Variants in PCDH15 observed in about 807,000 individuals in gnomAD.
PCDH15 encodes protocadherin related 15.
A neutral mutation model predicts 178.5 loss-of-function variants in PCDH15; 129 were observed. The ratio of observed to expected loss-of-function variants is 0.72; its 90% CI spans 0.63 to 0.84. PCDH15 has a LOEUF of 0.84. PCDH15 is among the 40% of genes least tolerant of loss of function. The pLI is 0.00. For missense variants in PCDH15, 2,230 were observed against 2,099.9 expected, an observed-to-expected ratio of 1.06 and a Z score of -1.21; for synonymous variants, 800 against 732.0, an observed-to-expected ratio of 1.09 and a Z score of -1.50.
chr10:54,462,835 G>A (rs1359564789), intron 3 of PCDH15, among the ~76,000 whole-genome samples: 1 of 151,112 alleles, frequency 6.6e-6, no homozygotes, highest in Non-Finnish European at 1.5e-5. Context: ...TGGACTATTT[G>A]TTAATCTTGA....
intron 2 of PCDH15, among the ~76,000 whole-genome samples, chr10:54,546,882 A>T (rs545192922): frequency 6.6e-6 from 1 of 152,170 alleles, no homozygotes; most frequent in Non-Finnish European, 1.5e-5. Flanking sequence ...TATGGCACTG[A>T]TGGTGATATG....
chr10:54,808,575 G>A, intron 3 of PCDH15, among the ~76,000 whole-genome samples: 1 of 152,072 alleles, frequency 6.6e-6, no homozygotes, highest in East Asian at 1.9e-4. Flanking sequence ...ATCAAAATCT[G>A]GATCCTAAAG....
At position 55,326,151 on chromosome 10, in the gene PCDH15, C is replaced by A. The variant is rs116504353; in HGVS notation, c.-155-159500G>T. On this transcript the variant is annotated intron_variant, in intron 2 of 5. Transcript: ENST00000613346. ...TTGCTGGTGGGAATGTAAATTCATT[C>A]AGCCTTTACAGAAATCAGTTTGACA... is the stretch of plus-strand genomic sequence containing the variant. Among the ~76,000 whole-genome samples the A allele has an allele frequency of 5.6e-3, 849 of 152,212 alleles. 10 individuals are homozygous for A. Among genetic ancestry groups the A allele is most frequent in the African/African-American group, 0.02 (810 of 41,530 alleles).
chr10:53,846,202 C>T (rs572192760), intron 28 of PCDH15, among the ~76,000 whole-genome samples: 1 of 151,876 alleles, frequency 6.6e-6, no homozygotes, highest in Non-Finnish European at 1.5e-5. Context: ...AGAGAACTGG[C>T]TGTGATTGGT....
chr10:54,188,542 C>G (rs2048681027), intron 11 of PCDH15, among the ~76,000 whole-genome samples: 1 of 151,418 alleles, frequency 6.6e-6, no homozygotes, highest in Admixed American at 6.6e-5. Context: ...CAGTATATAC[C>G]AAAAGTATGA....
At chr10:54,634,637 G>A (rs2093798082) in intron 2 of PCDH15, among the ~76,000 whole-genome samples, 2 of 151,968 alleles carry the variant, frequency 1.3e-5, no homozygotes, top group South Asian at 4.1e-4. Flanking sequence ...AAGGAAAAGA[G>A]ACTGAGAAAA....
In PCDH15 at chr10:55,486,219, C is replaced by T. The variant is rs561369248; in HGVS notation, c.-156+141406G>A. On this transcript the variant is annotated intron_variant, in intron 2 of 5. Transcript: ENST00000613346. ...TCAAATCACCAAACGTGAGGGTGAT[C>T]CTGGGGATACCTTCCATAATAGTTT... Among the ~76,000 whole-genome samples the T allele has an allele frequency of 7.9e-5, 12 of 151,614 alleles. No individual in the cohort carries two copies. The South Asian group carries it at 2.1e-3, about 26-fold the overall frequency.
At chr10:53,832,932 T>C (rs1189766113) in intron 29 of PCDH15, among the ~76,000 whole-genome samples, 1 of 151,994 alleles carries the variant, frequency 6.6e-6, no homozygotes, top group South Asian at 2.1e-4. Context: ...AGAATGCTTT[T>C]TTGCTTTTTT....
Position 54,079,383 on chromosome 10 carries a change from C to T in PCDH15, c.2039G>A (p.Ser680Asn), listed in dbSNP as rs762818138. Residue 680 changes from serine (S) to asparagine (N), a missense_variant, in exon 17 of 38, where the codon AGC becomes AAC. Coordinates refer to ENST00000644397, the MANE Select transcript of PCDH15 (RefSeq NM_001384140.1). ...LTLGKALDRE[S>N]TDRYILIITA... ...GATGATCAGAATGTAGCGATCAGTG[C>T]TTTCCCTGTCCAGTGCTTTCCCTAA... The T allele has an allele frequency of 6.2e-7, 1 of 1,614,116 alleles. No homozygotes were observed. The highest frequency in any genetic ancestry group is 8.5e-7 in the Non-Finnish European group (1 of 1,179,970).
chr10:55,100,077 A>G (rs900131487), intron 2 of PCDH15, among the ~76,000 whole-genome samples: 1 of 152,138 alleles, frequency 6.6e-6, no homozygotes, highest in African/African-American at 2.4e-5. Context: ...GTGAATACTT[A>G]CCAAGAGCAT....
At chr10:54,344,504 A>G (rs1322433729) in intron 6 of PCDH15, among the ~76,000 whole-genome samples, 1 of 152,124 alleles carries the variant, frequency 6.6e-6, no homozygotes, top group Non-Finnish European at 1.5e-5. Flanking sequence ...AACATTGAAT[A>G]TTTTTATGCA....
intron 17 of PCDH15, among the ~76,000 whole-genome samples, chr10:54,075,920 A>C (rs1351622010): frequency 6.6e-6 from 1 of 152,074 alleles, no homozygotes; most frequent in Admixed American, 6.5e-5. Flanking sequence ...CTTTTTGGCT[A>C]TCTGGGGTCC....
chr10:54,143,981 T>C (rs956654888), intron 14 of PCDH15, among the ~76,000 whole-genome samples: 8 of 152,008 alleles, frequency 5.3e-5, no homozygotes, highest in African/African-American at 1.4e-4. Flanking sequence ...ATATAAACAA[T>C]GAACCTTGTT....
intron 1 of PCDH15, among the ~76,000 whole-genome samples, chr10:54,748,541 T>C (rs1270739248): frequency 6.6e-6 from 1 of 152,226 alleles, no homozygotes; most frequent in East Asian, 1.9e-4. Context: ...ATATTCGATC[T>C]TTATTTTGAA....
chr10:55,537,271 A>G (rs920774907), intron 2 of PCDH15, among the ~76,000 whole-genome samples: 1 of 152,174 alleles, frequency 6.6e-6, no homozygotes, highest in Non-Finnish European at 1.5e-5. Context: ...CAGTTTTTTA[A>G]ATAATTTTAT....
intron 1 of PCDH15, among the ~76,000 whole-genome samples, chr10:54,726,959 A>C (rs976641825): frequency 6.6e-6 from 1 of 151,298 alleles, no homozygotes; most frequent in East Asian, 1.9e-4. Flanking sequence ...AGAAAGAGAG[A>C]GATTGCAAGA....
chr10:54,708,020 T>C (rs1415022835), intron 1 of PCDH15, among the ~76,000 whole-genome samples: 1 of 152,190 alleles, frequency 6.6e-6, no homozygotes, highest in African/African-American at 2.4e-5. Flanking sequence ...TTTATCATGT[T>C]TTAGCAACAG....
chr10:54,785,724 T>C (rs1950804040), intron 1 of PCDH15, among the ~76,000 whole-genome samples: 1 of 152,038 alleles, frequency 6.6e-6, no homozygotes, highest in South Asian at 2.1e-4. Flanking sequence ...TGTAGCACCC[T>C]GGATAAATCT....
intron 3 of PCDH15, among the ~76,000 whole-genome samples, chr10:54,876,328 G>A (rs1336311024): frequency 6.6e-6 from 1 of 152,264 alleles, no homozygotes; most frequent in Non-Finnish European, 1.5e-5. Context: ...AGAAGGAAAT[G>A]TTATTTTCAT....
Sources: gnomAD v4.1 joint callset for allele counts (sites outside exome capture counted in the v4.1 genomes callset) on GRCh38, gnomAD v4.1.1 for gene constraint, MANE v1.5 for transcripts, NCBI Gene and HGNC (gene_info 2026-07-23, HGNC 2026-07-21) for gene names.